The following MGAT4C variants were observed in gnomAD, a reference collection of about 807,000 sequenced individuals.
The protein encoded by MGAT4C is MGAT4 family member C, also known as alpha-1,3-mannosyl-glycoprotein 4-beta-N-acetylglucosaminyltransferase C.
MGAT4C carries 19 observed loss-of-function variants against 40.1 expected under a neutral mutation model. That is an observed-to-expected ratio of 0.47 (90% CI 0.33 to 0.70). MGAT4C has a LOEUF of 0.70. Ranked by LOEUF, MGAT4C falls within the 30% of genes least tolerant of loss-of-function variation. The pLI is 0.02. For missense variants in MGAT4C, 491 were observed against 563.2 expected (o/e 0.87, Z 1.30); for synonymous variants, 181 against 187.1 (o/e 0.97, Z 0.27).
At chr12:86,213,762 G>A (rs946791285) in intron 1 of MGAT4C, among the ~76,000 whole-genome samples, 2 of 152,176 alleles carry the variant, frequency 1.3e-5, no homozygotes, top group East Asian at 1.9e-4. Flanking sequence ...TGTCAAAACC[G>A]AAGTTAAAAG....
At chr12:86,631,008 T>A (rs1276973654) in intron 2 of MGAT4C, among the ~76,000 whole-genome samples, 2 of 152,108 alleles carry the variant, frequency 1.3e-5, no homozygotes, top group African/African-American at 4.8e-5. Context: ...GAAAACCCCA[T>A]CGTCTCAGCC....
chr12:86,269,047 TATATATATA>T, intron 4 of MGAT4C, among the ~76,000 whole-genome samples: 1 of 134,336 alleles, frequency 7.4e-6, no homozygotes, highest in Admixed American at 7.5e-5. Context: ...TATATATATA[TATATATATA>T]TATATTCTTT....
chr12:86,113,655 T>A (rs1015211315), intron 1 of MGAT4C, among the ~76,000 whole-genome samples: 18 of 151,704 alleles, frequency 1.2e-4, no homozygotes, highest in African/African-American at 3.9e-4. Context: ...AGTGAACTAG[T>A]AGAAAAACTA....
At chr12:86,489,796 T>C (rs1592909672) in intron 2 of MGAT4C, among the ~76,000 whole-genome samples, 1 of 152,054 alleles carries the variant, frequency 6.6e-6, no homozygotes, top group South Asian at 2.1e-4. Flanking sequence ...CAGGAGCCGA[T>C]GCGATCAACT....
chr12:86,597,750 C>T (rs1262112480), intron 2 of MGAT4C, among the ~76,000 whole-genome samples: 2 of 152,050 alleles, frequency 1.3e-5, no homozygotes, highest in Non-Finnish European at 2.9e-5. Flanking sequence ...TCCCCTATTC[C>T]CCTCTCAATC....
rs565664218 is a variant in MGAT4C, at chr12:86,764,901, C to CCACA, written c.-261-37664_-261-37661dup. Among the ~76,000 whole-genome samples, 843 of 152,158 alleles carry CCACA rather than the reference C, an allele frequency of 5.5e-3. 6 individuals carry two copies. Among genetic ancestry groups the CCACA allele is most frequent in the Admixed American group, 9.7e-3 (149 of 15,284 alleles). ...CATCAAAGACCAAAAGTAGATAAAA[C>CCACA]CACAAAGATGGGGAAAAAACAGAGC... On this transcript the variant is annotated intron_variant, in intron 1 of 7. Transcript: ENST00000548651.
chr12:86,444,448 C>G (rs1375903188), intron 2 of MGAT4C, among the ~76,000 whole-genome samples: 1 of 152,112 alleles, frequency 6.6e-6, no homozygotes, highest in African/African-American at 2.4e-5. Flanking sequence ...TGTTGACTAC[C>G]AAATTTAGGT....
At chr12:86,611,285 G>C (rs143406994) in intron 2 of MGAT4C, among the ~76,000 whole-genome samples, 1 of 151,970 alleles carries the variant, frequency 6.6e-6, no homozygotes, top group South Asian at 2.1e-4. Flanking sequence ...GAAGCCTGCT[G>C]TTCTGGAATC....
intron 2 of MGAT4C, among the ~76,000 whole-genome samples, chr12:86,469,913 T>A (rs75991433): frequency 0.014 from 2,091 of 152,284 alleles, 41 homozygotes; most frequent in African/African-American, 0.048. Context: ...AGAGTGTTTT[T>A]GTTTAGTTTA....
At chr12:86,378,101 T>A (rs1170203521) in intron 3 of MGAT4C, among the ~76,000 whole-genome samples, 1 of 152,174 alleles carries the variant, frequency 6.6e-6, no homozygotes, top group East Asian at 1.9e-4. Context: ...TATCCACTCA[T>A]CTGTTAATAG....
chr12:86,590,712 T>A (rs2136448001), intron 2 of MGAT4C, among the ~76,000 whole-genome samples: 1 of 152,038 alleles, frequency 6.6e-6, no homozygotes, highest in East Asian at 1.9e-4. Flanking sequence ...AATTGAGAGA[T>A]CAGACTGGAA....
intron 3 of MGAT4C, among the ~76,000 whole-genome samples, chr12:86,415,339 T>C (rs1162083315): frequency 6.6e-6 from 1 of 152,050 alleles, no homozygotes; most frequent in African/African-American, 2.4e-5. Context: ...TTAATAATAA[T>C]GGTATGCTAG....
At chr12:86,650,189 A>G (rs1963656372) in intron 2 of MGAT4C, among the ~76,000 whole-genome samples, 1 of 151,958 alleles carries the variant, frequency 6.6e-6, no homozygotes, top group Admixed American at 6.6e-5. Flanking sequence ...ATTTGGAAAA[A>G]GAAAAAAATT....
chr12:86,061,475 T>G (rs202156954), intron 1 of MGAT4C, among the ~76,000 whole-genome samples: 44 of 7,536 alleles, frequency 5.8e-3, no homozygotes, highest in East Asian at 0.2. Context: ...TTTTTTTTTG[T>G]TTTTTTTTTT....
intron 2 of MGAT4C, among the ~76,000 whole-genome samples, chr12:86,661,875 G>C (rs1963988726): frequency 6.6e-6 from 1 of 152,068 alleles, no homozygotes; most frequent in South Asian, 2.1e-4. Context: ...GGAGGTGTAG[G>C]TTGTAGTGAG....
chr12:86,490,989 C>T (rs1290120812), intron 2 of MGAT4C, among the ~76,000 whole-genome samples: 1 of 152,112 alleles, frequency 6.6e-6, no homozygotes, highest in Non-Finnish European at 1.5e-5. Context: ...CCACTGTCAA[C>T]ATTAGACAGA....
intron 1 of MGAT4C, among the ~76,000 whole-genome samples, chr12:86,103,562 T>G (rs73379423): frequency 0.035 from 5,278 of 152,252 alleles, 308 homozygotes; most frequent in East Asian, 0.28. Context: ...TTTGGACTTC[T>G]GATCTTAAGC....
rs1883750148 is a variant in MGAT4C, at chr12:85,973,689, G to A, written c.*5600C>T. 1 of 150,480 alleles carries A rather than the reference G, an allele frequency of 6.6e-6. No homozygotes were observed. Among genetic ancestry groups the A allele is most frequent in the African/African-American group, 2.4e-5 (1 of 41,192 alleles). 9.3% of individuals were successfully genotyped at this position (150,480 alleles called of 1,614,324 possible). ...ATTCTTAATTTAATTGTACTTCTAT[G>A]GTCATATACAATTTACCTATCACTT... On this transcript the variant is annotated 3_prime_UTR_variant, in exon 5 of 5. Coordinates refer to ENST00000611864, the MANE Select transcript of MGAT4C (RefSeq NM_001351288.2).
At chr12:86,365,812 C>A (rs1955580432) in intron 3 of MGAT4C, among the ~76,000 whole-genome samples, 1 of 151,882 alleles carries the variant, frequency 6.6e-6, no homozygotes, top group African/African-American at 2.4e-5. Flanking sequence ...GTTACTGTCA[C>A]TGGTAATGTG....
Sources: allele counts gnomAD v4.1 joint callset (sites outside exome capture counted in the v4.1 genomes callset), GRCh38; gene constraint gnomAD v4.1.1; transcripts MANE v1.5; gene names NCBI Gene and HGNC (gene_info 2026-07-23, HGNC 2026-07-21).